LEPROT: variants seen among roughly 807,000 people sequenced by gnomAD.
The protein encoded by LEPROT is leptin receptor overlapping transcript, also known as leptin receptor gene-related protein.
Under a neutral mutation model 15.4 loss-of-function variants are expected in LEPROT, and 3 were observed. The ratio of observed to expected loss-of-function variants is 0.19; its 90% CI spans 0.09 to 0.50. The LOEUF is 0.50. Ranked by LOEUF, LEPROT falls within the 20% of genes least tolerant of loss-of-function variation. The pLI is 0.97. For missense variants in LEPROT, 137 were observed against 162.2 expected, an observed-to-expected ratio of 0.84 and a Z score of 0.84; for synonymous variants, 59 against 57.5, an observed-to-expected ratio of 1.03 and a Z score of -0.12.
intron 2 of LEPROT, among the ~76,000 whole-genome samples, chr1:65,427,047 GTTA>G (rs889230898): frequency 1.2e-4 from 18 of 151,846 alleles, no homozygotes; most frequent in South Asian, 4.2e-4. Context: ...ATTGAAGTGA[GTTA>G]TTATGACAGT....
chr1:65,420,935 G>A (rs1189211935), intron 1 of LEPROT, among the ~76,000 whole-genome samples, 195 bp downstream of exon 1: 3 of 152,170 alleles, frequency 2.0e-5, no homozygotes, highest in Non-Finnish European at 2.9e-5. Flanking sequence ...GGGGAGCCTT[G>A]GCCCTTTTTG....
chr1:65,432,077 G>T lies in LEPROT; in HGVS notation c.*158G>T. 7.4e-7 allele frequency: 1 copy of T among 1,346,098 alleles called. No individual in the cohort carries two copies. The highest frequency in any genetic ancestry group is 9.5e-7 in the Non-Finnish European group (1 of 1,050,794). The allele number at this position is 1,346,098 out of a possible 1,614,324, so 83.4% of individuals were successfully genotyped here. A position where few individuals can be genotyped will look rare whatever the true frequency, so the allele number is the denominator to read the frequency against. ...AAGAAAGACTTCATAAGTAGGAGAT[G>T]AGTTTTATTCTCAGCAAATAGACCT... On this transcript the variant is annotated 3_prime_UTR_variant, in exon 4 of 4. Coordinates refer to ENST00000371065, the MANE Select transcript of LEPROT (RefSeq NM_017526.5).
Position 65,434,474 on chromosome 1 carries a change from T to C in LEPROT, c.*2555T>C. On this transcript the variant is annotated 3_prime_UTR_variant, in exon 4 of 4. Coordinates refer to ENST00000371065, the MANE Select transcript of LEPROT (RefSeq NM_017526.5). ...AAACAAGTGGGTTACAAGCAGACTTTGAGACACTTTTCCACAGAAACAATA... is the reference window on the plus strand; with the variant it reads ...AAACAAGTGGGTTACAAGCAGACTTCGAGACACTTTTCCACAGAAACAATA... The C allele has an allele frequency of 5.1e-6, 5 of 985,372 alleles. No homozygotes were observed. The South Asian group carries it at 2.3e-4, about 46-fold the overall frequency. The allele number at this position is 985,372 out of a possible 1,614,324, so 61.0% of individuals were successfully genotyped here. A position where few individuals can be genotyped will look rare whatever the true frequency, so the allele number is the denominator to read the frequency against.
At position 65,434,967 on chromosome 1, in the gene LEPROT, G is replaced by C. The variant is rs993852496; in HGVS notation, c.*3048G>C. 4.1e-6 allele frequency: 4 copies of C among 985,398 alleles called. No homozygotes were observed. The highest frequency in any genetic ancestry group is 6.1e-5 in the Admixed American group (1 of 16,266). 61.0% of individuals were successfully genotyped at this position (985,398 alleles called of 1,614,324 possible). On this transcript the variant is annotated 3_prime_UTR_variant, in exon 4 of 4. Transcript: ENST00000371065. Reference sequence around the variant, plus strand: ...ACATCTGAAATTCCTTTTGACACCTGCATTGGGCCGACTGCCATTCCCATG... The same window carrying C: ...ACATCTGAAATTCCTTTTGACACCTCCATTGGGCCGACTGCCATTCCCATG...
In LEPROT at chr1:65,432,092, C is replaced by T. The variant is rs1303183116; in HGVS notation, c.*173C>T. 7 of 1,310,194 alleles carry T rather than the reference C, an allele frequency of 5.3e-6. No homozygotes were observed. Among genetic ancestry groups the T allele is most frequent in the Non-Finnish European group, 6.8e-6 (7 of 1,030,952 alleles). 81.2% of individuals were successfully genotyped at this position (1,310,194 alleles called of 1,614,324 possible). ...AGTAGGAGATGAGTTTTATTCTCAG[C>T]AAATAGACCTGTCAAATTTAGATTA... On this transcript the variant is annotated 3_prime_UTR_variant, in exon 4 of 4. Coordinates refer to ENST00000371065, the MANE Select transcript of LEPROT (RefSeq NM_017526.5).
rs566792226 is a variant in LEPROT, at chr1:65,432,677, G to A, written c.*758G>A. ...TTTATGAAAAGTGTTCTCAGAATTGGGAGACAGTCAAAGGGTACAAAGCCT... is the reference window on the plus strand; with the variant it reads ...TTTATGAAAAGTGTTCTCAGAATTGAGAGACAGTCAAAGGGTACAAAGCCT... On this transcript the variant is annotated 3_prime_UTR_variant, in exon 4 of 4. Coordinates refer to ENST00000371065, the MANE Select transcript of LEPROT (RefSeq NM_017526.5). 4.1e-5 allele frequency: 40 copies of A among 979,358 alleles called. 1 individual carries two copies. Among genetic ancestry groups the A allele is most frequent in the Middle Eastern group, 5.2e-4 (1 of 1,908 alleles). The allele number at this position is 979,358 out of a possible 1,614,324, so 60.7% of individuals were successfully genotyped here.
intron 2 of LEPROT, among the ~76,000 whole-genome samples, chr1:65,425,942 A>G (rs1426724308): frequency 6.6e-6 from 1 of 152,144 alleles, no homozygotes; most frequent in Non-Finnish European, 1.5e-5. Context: ...TGTGCCAGCT[A>G]CTGTTATGGG....
At position 65,421,445 on chromosome 1, in the gene LEPROT, G is replaced by T. The variant is rs867555334; in HGVS notation, c.16+705G>T. 26 of 1,535,972 alleles carry T rather than the reference G, an allele frequency of 1.7e-5. No individual in the cohort carries two copies. The African/African-American group carries it at 3.4e-4, about 20-fold the overall frequency. Reference sequence around the variant, plus strand: ...CGAGACGGAAAAGGTTTTTTGCAAGGCTTCCTGTATTTTGGTAGGAAAACA... The same window carrying T: ...CGAGACGGAAAAGGTTTTTTGCAAGTCTTCCTGTATTTTGGTAGGAAAACA... On this transcript the variant is annotated intron_variant, in intron 1 of 3. Transcript: ENST00000371065.
At chr1:65,421,009 G>A (rs961100893) in intron 1 of LEPROT, among the ~76,000 whole-genome samples, 3 of 152,112 alleles carry the variant, frequency 2.0e-5, no homozygotes, top group African/African-American at 2.4e-5. Flanking sequence ...CTGAGCCCTC[G>A]GCGAGAGCGG....
At position 65,432,442 on chromosome 1, in the gene LEPROT, G is replaced by T; in HGVS notation, c.*523G>T. On this transcript the variant is annotated 3_prime_UTR_variant, in exon 4 of 4. Transcript: ENST00000371065. ...CCAGGACATTTTGATGAGATCCAAA[G>T]GAGTTGTATGCACATGAAAGTTTGA... is the stretch of plus-strand genomic sequence containing the variant. The T allele has an allele frequency of 3.1e-6, 2 of 642,726 alleles. No homozygotes were observed. Among genetic ancestry groups the T allele is most frequent in the Non-Finnish European group, 3.9e-6 (2 of 516,804 alleles). The allele number at this position is 642,726 out of a possible 1,614,324, so 39.8% of individuals were successfully genotyped here.
At chr1:65,424,945 G>C (rs1297854080) in intron 1 of LEPROT, among the ~76,000 whole-genome samples, 1 of 152,196 alleles carries the variant, frequency 6.6e-6, no homozygotes, top group African/African-American at 2.4e-5. Flanking sequence ...ATGTGAATTT[G>C]AAAGGGACAC....
At chr1:65,431,191 A>G (rs1198816263) in intron 3 of LEPROT, among the ~76,000 whole-genome samples, 1 of 152,222 alleles carries the variant, frequency 6.6e-6, no homozygotes, top group African/African-American at 2.4e-5. Context: ...TAAGCGCTGC[A>G]GTAAATATTT....
chr1:65,428,824 G>A lies in LEPROT; in HGVS notation c.93-1038G>A, dbSNP rs138880846. Among the ~76,000 whole-genome samples the A allele has an allele frequency of 9.0e-3, 1,374 of 152,202 alleles. 26 individuals carry two copies. The highest frequency in any genetic ancestry group is 0.032 in the African/African-American group (1,321 of 41,544). Reference sequence around the variant, plus strand: ...ATAGAGAAAATACTGTTGGAAACCAGATGGCAATTTTTTTTTTATAATTGC... The same window carrying A: ...ATAGAGAAAATACTGTTGGAAACCAAATGGCAATTTTTTTTTTATAATTGC... On this transcript the variant is annotated intron_variant, in intron 2 of 3. Transcript: ENST00000371065.
chr1:65,421,432 G>T (rs1170313896), intron 1 of LEPROT: 1 of 1,536,022 alleles, frequency 6.5e-7, no homozygotes, highest in South Asian at 1.2e-5. Context: ...AGACGGAAAA[G>T]GTTTTTTGCA....
chr1:65,434,155 A>G lies in LEPROT; in HGVS notation c.*2236A>G, dbSNP rs1254562390. 2 of 984,134 alleles carry G rather than the reference A, an allele frequency of 2.0e-6. No homozygotes were observed. The highest frequency in any genetic ancestry group is 3.5e-5 in the African/African-American group (2 of 57,226). 61.0% of individuals were successfully genotyped at this position (984,134 alleles called of 1,614,324 possible). On this transcript the variant is annotated 3_prime_UTR_variant, in exon 4 of 4. Transcript: ENST00000371065. ...TTGCATATAGAGTATTTGAAGTGAT[A>G]GATTATTAGATTTGCTCTATGTCTG...
Position 65,434,555 on chromosome 1 carries a change from A to C in LEPROT, c.*2636A>C. 3.0e-6 allele frequency: 3 copies of C among 985,194 alleles called. No homozygotes were observed. In the South Asian group the frequency reaches 1.4e-4, roughly 46 times the overall value. The allele number at this position is 985,194 out of a possible 1,614,324, so 61.0% of individuals were successfully genotyped here. A position where few individuals can be genotyped will look rare whatever the true frequency, so the allele number is the denominator to read the frequency against. ...AGCCTCCCTCAACAGGTTCAACTCT[A>C]ATATACCTAACCTGTGATACTGAAG... is the stretch of plus-strand genomic sequence containing the variant. On this transcript the variant is annotated 3_prime_UTR_variant, in exon 4 of 4. Transcript: ENST00000371065.
rs145293841 is a variant in LEPROT at position 65,429,916 on chromosome 1, T to G, written c.147T>G (p.His49Gln). The change falls in exon 3 of 4, where the codon CAT becomes CAG. Residue 49 changes from histidine to glutamine, a missense_variant. His to Gln is a conservative substitution (Grantham distance 24). Coordinates refer to ENST00000371065, the MANE Select transcript of LEPROT (RefSeq NM_017526.5). The part of the protein sequence containing the change: ...LIFHAISPIP[H>Q]FIAKRVTYDS... ...TCCACGCCATCTCCCCCATCCCCCA[T>G]TTCATTGCCAAAAGAGTCACCTATG... The G allele has an allele frequency of 8.5e-5, 131 of 1,547,404 alleles. No individual in the cohort carries two copies. The African/African-American group carries it at 1.5e-3, about 18-fold the overall frequency.
chr1:65,429,664 C>CT (rs1646448795), intron 2 of LEPROT, among the ~76,000 whole-genome samples, 198 bp from the exon 3 acceptor site: 1 of 152,132 alleles, frequency 6.6e-6, no homozygotes, highest in Non-Finnish European at 1.5e-5. Flanking sequence ...ACAATATAAG[C>CT]TACCTACATA....
At chr1:65,427,639 T>C (rs1185459990) in intron 2 of LEPROT, 1 of 176,190 alleles carries the variant, frequency 5.7e-6, no homozygotes, top group East Asian at 1.6e-4. Flanking sequence ...ACCAAACGTT[T>C]TTCCACTATT....
Sources: gnomAD v4.1 joint callset for allele counts (sites outside exome capture counted in the v4.1 genomes callset) on GRCh38, gnomAD v4.1.1 for gene constraint, MANE v1.5 for transcripts, NCBI Gene and HGNC (gene_info 2026-07-23, HGNC 2026-07-21) for gene names.